SPON2: variants seen among roughly 807,000 people sequenced by gnomAD.
The protein encoded by SPON2 is spondin 2.
Under a neutral mutation model 29.9 loss-of-function variants are expected in SPON2, and 32 were observed. The observed-to-expected ratio is 1.07, with a 90% confidence interval of 0.81 to 1.44. The LOEUF (loss-of-function observed/expected upper bound fraction) is 1.44. Among genes scored for constraint, SPON2 ranks in the 40% most tolerant of loss-of-function variants. The probability of loss-of-function intolerance (pLI) is 0.00; values close to 1 mark genes in which losing one functional copy is unlikely to be tolerated. For missense variants in SPON2, 541 were observed against 455.5 expected, an observed-to-expected ratio of 1.19 and a Z score of -1.71; for synonymous variants, 248 against 209.1, an observed-to-expected ratio of 1.19 and a Z score of -1.61.
chr4:1,197,695 A>G (rs1215135494), upstream of SPON2, among the ~76,000 whole-genome samples: 2 of 11,990 alleles, frequency 1.7e-4, no homozygotes, highest in South Asian at 0.25. Context: ...AGGAGAAATG[A>G]TTGTTTTCTG....
At chr4:1,174,058 G>C (rs1171771460), upstream of SPON2, among the ~76,000 whole-genome samples, 2 of 152,026 alleles carry the variant, frequency 1.3e-5, no homozygotes. Flanking sequence ...AAATTAGCTG[G>C]GTGTGGTGGA....
chr4:1,207,764 G>A (rs1442987700), intron 1 of SPON2: 1 of 154,228 alleles, frequency 6.5e-6, no homozygotes, highest in Admixed American at 6.5e-5. Flanking sequence ...TGCCTATCAG[G>A]GATGTTTTCG....
chr4:1,199,204 GCCTGACCAACATA>G (rs1308521542), upstream of SPON2: 3 of 152,244 alleles, frequency 2.0e-5, no homozygotes, highest in Admixed American at 6.5e-5. This position sits in a 1 kb window ranked among gnomAD's most constrained non-coding sequence, Gnocchi z 4.5. Context: ...TTCGAGACCA[GCCTGACCAACATA>G]GTGAAATCCT....
rs1327657594 is a variant in SPON2, at chr4:1,202,056, A to C, written c.-234+5824T>G. ...ATCCCCACTCATCTCACTCCGGAAC[A>C]CGTTCATCATCCGCAGAAGACGTCC... On this transcript the variant is annotated intron_variant, in intron 1 of 3. Coordinates refer to the SPON2 transcript ENST00000509233. This position sits in a 1 kb window ranked among gnomAD's most constrained non-coding sequence, Gnocchi z 5.4. Among the ~76,000 whole-genome samples, 1 of 152,194 alleles carries C rather than the reference A, an allele frequency of 6.6e-6. No homozygotes were observed. The highest frequency in any genetic ancestry group is 1.5e-5 in the Non-Finnish European group (1 of 68,034).
chr4:1,195,879 C>T (rs902058794), upstream of SPON2, among the ~76,000 whole-genome samples: 5 of 152,240 alleles, frequency 3.3e-5, no homozygotes, highest in African/African-American at 1.2e-4. Context: ...GAGCCATCCT[C>T]CTGCTCAGCC....
At chr4:1,191,338 G>T (rs1727910651) in intron 1 of SPON2, among the ~76,000 whole-genome samples, 1 of 152,110 alleles carries the variant, frequency 6.6e-6, no homozygotes, top group Non-Finnish European at 1.5e-5. Flanking sequence ...TTCAACAAGG[G>T]TGCCAAAGTC....
chr4:1,183,100 G>A (rs1727728222), intron 1 of SPON2, among the ~76,000 whole-genome samples: 1 of 152,084 alleles, frequency 6.6e-6, no homozygotes, highest in Non-Finnish European at 1.5e-5. Context: ...AATTAGCTGG[G>A]TGTGGTGGTG....
chr4:1,168,350 C>G (rs751741564), intron 5 of SPON2, among the ~76,000 whole-genome samples: 2 of 152,228 alleles, frequency 1.3e-5, no homozygotes, highest in Admixed American at 6.5e-5. Context: ...CTGCCGTGCA[C>G]GGGAGGACAG....
At chr4:1,174,574 A>G (rs1727556127), upstream of SPON2, among the ~76,000 whole-genome samples, 1 of 152,076 alleles carries the variant, frequency 6.6e-6, no homozygotes. Context: ...TGTATGGGTT[A>G]TACCTATGGA....
chr4:1,167,352 A>G lies in SPON2; in HGVS notation c.*120T>C, dbSNP rs1444536960. On this transcript the variant is annotated 3_prime_UTR_variant, in exon 6 of 6. Transcript: ENST00000290902. The stretch of plus-strand genomic sequence containing the variant: ...GTGCAGAGATGGTCGGCGCGGCCTC[A>G]CCGCGGTCAGGAGCAGCGCGAAACC... The G allele has an allele frequency of 1.8e-6, 2 of 1,089,870 alleles. No homozygotes were observed. Among genetic ancestry groups the G allele is most frequent in the Non-Finnish European group, 2.6e-6 (2 of 761,264 alleles). The allele number at this position is 1,089,870 out of a possible 1,614,324, so 67.5% of individuals were successfully genotyped here.
rs185219329 is a variant in SPON2 at position 1,172,302 on chromosome 4, C to T, written c.-3-228G>A. 1,811 of 588,512 alleles carry T rather than the reference C, an allele frequency of 3.1e-3. 27 individuals are homozygous for T. The East Asian group carries it at 0.035, about 11-fold the overall frequency. The allele number at this position is 588,512 out of a possible 1,614,324, so 36.5% of individuals were successfully genotyped here. On this transcript the variant is annotated intron_variant, in intron 1 of 5. Transcript: ENST00000290902. ...CCTGCGAGCGACCAGGGGTAACGGGCAGGTTTTCAGTCCGAGTCCCTGCAG... is the reference window on the plus strand; with the variant it reads ...CCTGCGAGCGACCAGGGGTAACGGGTAGGTTTTCAGTCCGAGTCCCTGCAG...
At chr4:1,187,745 T>C (rs1727832214) in intron 1 of SPON2, among the ~76,000 whole-genome samples, 1 of 152,196 alleles carries the variant, frequency 6.6e-6, no homozygotes, top group Non-Finnish European at 1.5e-5. Flanking sequence ...TGTCATATAA[T>C]TTAAATGTTT....
chr4:1,178,254 G>C (rs536715803), intron 2 of SPON2, among the ~76,000 whole-genome samples: 2 of 145,538 alleles, frequency 1.4e-5, no homozygotes, highest in Non-Finnish European at 3.0e-5. Context: ...CTCCGGCCAG[G>C]CACCATGGGC....
At chr4:1,170,364 G>A in intron 5 of SPON2, 38 bp downstream of exon 5, 1 of 1,592,442 alleles carries the variant, frequency 6.3e-7, no homozygotes, top group African/African-American at 1.4e-5. Context: ...CAGGGTTCGG[G>A]GCTGCTGTGT....
Position 1,171,344 on chromosome 4 carries a change from G to T in SPON2, c.363C>A (p.His121Gln), listed in dbSNP as rs1317242274. 2.5e-6 allele frequency: 4 copies of T among 1,608,982 alleles called. No individual in the cohort carries two copies. Among genetic ancestry groups the T allele is most frequent in the Admixed American group, 3.3e-5 (2 of 59,930 alleles). The change falls in exon 3 of 6, where the codon CAC (histidine) becomes CAA (glutamine). Residue 121 changes from histidine to glutamine, a missense_variant. Physicochemically the swap from His to Gln is conservative, Grantham distance 24. Coordinates refer to ENST00000290902, the MANE Select transcript of SPON2 (RefSeq NM_012445.4). ...EAAGEALQSV[H>Q]AVFSAPAVPS... ...GGACGGCGGGCGCCGAAAACACCGC[G>T]TGCACGCTCTGCAGCGCCTCCCCCG... is the stretch of plus-strand genomic sequence containing the variant.
intron 1 of SPON2, chr4:1,200,635 C>T (rs1485799844): frequency 5.6e-6 from 2 of 357,742 alleles, no homozygotes; most frequent in East Asian, 7.5e-5. Context: ...AGCACCGGCC[C>T]CATCTCCCTA....
chr4:1,167,707 T>G (rs1462308891), intron 5 of SPON2, 51 bp from the exon 6 acceptor site: 35 of 1,530,634 alleles, frequency 2.3e-5, no homozygotes, highest in Non-Finnish European at 2.9e-5. Flanking sequence ...GAAGAGGCGC[T>G]TCGTACAAAC....
At chr4:1,207,708 G>A (rs891550568) in intron 1 of SPON2, among the ~76,000 whole-genome samples, 1 of 152,154 alleles carries the variant, frequency 6.6e-6, no homozygotes, top group Non-Finnish European at 1.5e-5. Flanking sequence ...ACCATGCGCC[G>A]CGCTTACAGA....
chr4:1,181,204 A>G (rs1727694909), intron 1 of SPON2, among the ~76,000 whole-genome samples: 3 of 152,218 alleles, frequency 2.0e-5, no homozygotes, highest in South Asian at 4.1e-4. Flanking sequence ...TTTACCAGAA[A>G]ACATGGAGGC....
Sources: gnomAD v4.1 joint callset for allele counts (sites outside exome capture counted in the v4.1 genomes callset) on GRCh38, gnomAD v4.1.1 for gene constraint, Gnocchi (gnomAD v3.1) non-coding constraint, MANE v1.5 for transcripts, NCBI Gene and HGNC (gene_info 2026-07-23, HGNC 2026-07-21) for gene names.